The following HACE1 variants were observed in gnomAD, a reference collection of about 807,000 sequenced individuals.
The protein encoded by HACE1 is HECT domain and ankyrin repeat containing E3 ubiquitin protein ligase 1, also known as E3 ubiquitin-protein ligase HACE1.
A neutral mutation model predicts 118.4 loss-of-function variants in HACE1; 73 were observed. That is an observed-to-expected ratio of 0.62 (90% CI 0.51 to 0.75). HACE1 has a LOEUF of 0.75. Ranked by LOEUF, HACE1 falls within the 30% of genes least tolerant of loss-of-function variation. HACE1 has a pLI of 0.00. For synonymous variants in HACE1, 368 were observed against 374.8 expected (o/e 0.98, Z 0.21); for missense variants, 749 against 1,102.2 (o/e 0.68, Z 4.54).
intron 22 of HACE1, among the ~76,000 whole-genome samples, chr6:104,743,919 C>G (rs989949502): frequency 6.6e-6 from 1 of 151,962 alleles, no homozygotes; most frequent in African/African-American, 2.4e-5. Flanking sequence ...TTATAAAGTA[C>G]AATATACTGA....
At position 104,852,238 on chromosome 6, in the gene HACE1, C is replaced by T. The variant is rs1036783098; in HGVS notation, c.131+79G>A. 196 of 775,182 alleles carry T rather than the reference C, an allele frequency of 2.5e-4. No individual in the cohort carries two copies. The Middle Eastern group carries it at 2.6e-3, about 10-fold the overall frequency. The allele number at this position is 775,182 out of a possible 1,614,324, so 48.0% of individuals were successfully genotyped here. A position where few individuals can be genotyped will look rare whatever the true frequency, so the allele number is the denominator to read the frequency against. ...GTGTGTGTGTGTGTGTGCGCGCGTG[C>T]GCGTGCACGGGCATGCAGTACACAT... On this transcript the variant is annotated intron_variant, in intron 2 of 23. Coordinates refer to ENST00000262903, the MANE Select transcript of HACE1 (RefSeq NM_020771.4).
rs1022529488 is a variant in HACE1 at position 104,857,037 on chromosome 6, T to A, written c.76+2530A>T. Among the ~76,000 whole-genome samples, 5 of 151,840 alleles carry A rather than the reference T, an allele frequency of 3.3e-5. No homozygotes were observed. In the South Asian group the frequency reaches 1.0e-3, roughly 31 times the overall value. On this transcript the variant is annotated intron_variant, in intron 1 of 23. Transcript: ENST00000262903. Reference sequence around the variant, plus strand: ...TAGATGCTTATTGATTACTGAATTCTAACAAAGCAAAAAAAATCTGATTAT... The same window carrying A: ...TAGATGCTTATTGATTACTGAATTCAAACAAAGCAAAAAAAATCTGATTAT...
intron 14 of HACE1, among the ~76,000 whole-genome samples, chr6:104,777,747 G>T (rs770473727): frequency 2.0e-5 from 3 of 151,932 alleles, no homozygotes; most frequent in Non-Finnish European, 2.9e-5. Context: ...TATTTATTTT[G>T]GTTTATTGTT....
chr6:104,741,111 C>CT (rs1325430208), intron 22 of HACE1, among the ~76,000 whole-genome samples: 1 of 52,982 alleles, frequency 1.9e-5, no homozygotes, highest in African/African-American at 1.8e-4. Context: ...AATTCAACAA[C>CT]CTTCATGCTA....
At chr6:104,841,300 C>G (rs1028379867) in intron 5 of HACE1, among the ~76,000 whole-genome samples, 3 of 151,982 alleles carry the variant, frequency 2.0e-5, no homozygotes, top group Non-Finnish European at 4.4e-5. Context: ...TTCCACCTCC[C>G]TTAAAGTACA....
chr6:104,770,534 C>A (rs1389528952), intron 19 of HACE1, among the ~76,000 whole-genome samples: 2 of 152,046 alleles, frequency 1.3e-5, no homozygotes, highest in Non-Finnish European at 2.9e-5. Flanking sequence ...TCCTGGCCAA[C>A]ATGGTGAAAC....
intron 20 of HACE1, among the ~76,000 whole-genome samples, chr6:104,747,845 C>A (rs1410792343): frequency 1.3e-5 from 2 of 152,040 alleles, no homozygotes; most frequent in Non-Finnish European, 2.9e-5. Flanking sequence ...CAAGACCATG[C>A]CTACAATGTT....
chr6:104,776,187 C>A (rs879519319), intron 17 of HACE1, among the ~76,000 whole-genome samples: 3 of 152,088 alleles, frequency 2.0e-5, no homozygotes, highest in Non-Finnish European at 2.9e-5. Flanking sequence ...CTCAAAATGA[C>A]TGAAAATAAA....
At position 104,803,778 on chromosome 6, in the gene HACE1, G is replaced by A. The variant is rs148760960; in HGVS notation, c.618-6753C>T. On this transcript the variant is annotated intron_variant, in intron 7 of 23. Coordinates refer to ENST00000262903, the MANE Select transcript of HACE1 (RefSeq NM_020771.4). ...ATATCATACTGAATGGGCAAAAACT[G>A]GAAGCATTCCCTTTGAAAACCGACA... Among the ~76,000 whole-genome samples the A allele has an allele frequency of 2.4e-3, 369 of 152,244 alleles. 3 individuals are homozygous for A. The highest frequency in any genetic ancestry group is 8.5e-3 in the African/African-American group (355 of 41,546).
intron 19 of HACE1, among the ~76,000 whole-genome samples, chr6:104,763,081 C>A (rs1447578072): frequency 3.3e-5 from 5 of 150,984 alleles, no homozygotes; most frequent in African/African-American, 1.2e-4. Flanking sequence ...TTCAGGTTAC[C>A]ATTTTATAGG....
At chr6:104,776,964 A>G in intron 16 of HACE1, 49 bp downstream of exon 16, 2 of 1,349,122 alleles carry the variant, frequency 1.5e-6, no homozygotes, top group Non-Finnish European at 2.1e-6. Context: ...AGGCATTTCA[A>G]TCTTTCTTTA....
intron 17 of HACE1, among the ~76,000 whole-genome samples, chr6:104,774,471 A>G (rs1024944037): frequency 2.5e-4 from 37 of 149,100 alleles, no homozygotes; most frequent in African/African-American, 7.9e-4. Context: ...TACAACCTCC[A>G]CCTCCTGGGT....
At chr6:104,784,358 A>C (rs9322817) in intron 13 of HACE1, 59 bp downstream of exon 13, 417,450 of 1,140,862 alleles carry the variant, frequency 0.37, 79,259 homozygotes, top group African/African-American at 0.59. Context: ...TGTTTAGATG[A>C]AACTGTAAGT....
intron 9 of HACE1, 87 bp downstream of exon 9, chr6:104,796,568 C>T (rs1769657046): frequency 4.0e-6 from 3 of 753,418 alleles, no homozygotes; most frequent in Non-Finnish European, 7.1e-6. Flanking sequence ...AGCAAAATTA[C>T]TAAGCTAAGC....
chr6:104,848,998 A>T (rs1009753837), intron 4 of HACE1, 144 bp downstream of exon 4: 25 of 642,294 alleles, frequency 3.9e-5, no homozygotes, highest in East Asian at 1.9e-4. Context: ...AGACAAAAAA[A>T]ATATAGAAAA....
intron 6 of HACE1, among the ~76,000 whole-genome samples, chr6:104,820,632 C>G (rs1772615155): frequency 6.6e-6 from 1 of 152,106 alleles, no homozygotes; most frequent in African/African-American, 2.4e-5. Context: ...ATCAAAACCA[C>G]AATGAGATAC....
At chr6:104,761,653 C>G (rs1177953986) in intron 19 of HACE1, among the ~76,000 whole-genome samples, 1 of 152,124 alleles carries the variant, frequency 6.6e-6, no homozygotes. Flanking sequence ...GACTTCATGT[C>G]TAAAACACCA....
intron 6 of HACE1, among the ~76,000 whole-genome samples, chr6:104,829,986 T>C (rs1336970784): frequency 1.3e-5 from 2 of 152,218 alleles, no homozygotes; most frequent in African/African-American, 4.8e-5. Context: ...ATGCACATGT[T>C]TTGAACAAGG....
chr6:104,846,469 T>C (rs185931014), intron 4 of HACE1, among the ~76,000 whole-genome samples: 60 of 152,294 alleles, frequency 3.9e-4, no homozygotes, highest in African/African-American at 1.4e-3. Context: ...TTGCACCAAT[T>C]ATAGGGAGCT....
Sources: allele counts gnomAD v4.1 joint callset (sites outside exome capture counted in the v4.1 genomes callset), GRCh38; gene constraint gnomAD v4.1.1; transcripts MANE v1.5; gene names NCBI Gene and HGNC (gene_info 2026-07-23, HGNC 2026-07-21).